The following RBFOX1 variants were observed in gnomAD, a reference collection of about 807,000 sequenced individuals.
RBFOX1 encodes RNA binding fox-1 homolog 1.
In RBFOX1, 8 loss-of-function variants were observed where a neutral mutation model predicts 57.7. The ratio of observed to expected loss-of-function variants is 0.14; its 90% CI spans 0.08 to 0.25. The LOEUF (loss-of-function observed/expected upper bound fraction) is 0.25. Among genes scored for constraint, RBFOX1 ranks in the 10% least tolerant of loss-of-function variants. The pLI, the probability that RBFOX1 is intolerant of heterozygous loss-of-function variation, is 1.00. For synonymous variants in RBFOX1, 326 were observed against 222.4 expected (o/e 1.47, Z -4.15); for missense variants, 611 against 548.5 (o/e 1.11, Z -1.14).
chr16:6,546,867 A>G (rs2096903580), intron 2 of RBFOX1, among the ~76,000 whole-genome samples: 1 of 152,188 alleles, frequency 6.6e-6, no homozygotes, highest in Non-Finnish European at 1.5e-5. Flanking sequence ...AAGTTCAAAC[A>G]CAGATCATGC....
intron 1 of RBFOX1, among the ~76,000 whole-genome samples, chr16:5,443,056 A>G (rs2068132695): frequency 6.6e-6 from 1 of 152,148 alleles, no homozygotes; most frequent in Non-Finnish European, 1.5e-5. Context: ...GAGGCAAGGA[A>G]CAGTCCTCCT....
chr16:5,988,969 G>T (rs1209939651), intron 4 of RBFOX1, among the ~76,000 whole-genome samples: 1 of 151,926 alleles, frequency 6.6e-6, no homozygotes, highest in East Asian at 1.9e-4. Flanking sequence ...TGTGACCTTG[G>T]GTGAGTTGCT....
At chr16:6,348,939 G>A (rs186145621) in intron 2 of RBFOX1, among the ~76,000 whole-genome samples, 1 of 152,302 alleles carries the variant, frequency 6.6e-6, no homozygotes, top group African/African-American at 2.4e-5. Flanking sequence ...GATAGAGATG[G>A]ACAGAGGCAG....
chr16:7,094,922 C>T (rs577840173), intron 4 of RBFOX1, among the ~76,000 whole-genome samples: 1 of 151,998 alleles, frequency 6.6e-6, no homozygotes, highest in Admixed American at 6.6e-5. Context: ...CTCTTAATAC[C>T]TGTAGAACAA....
intron 2 of RBFOX1, among the ~76,000 whole-genome samples, chr16:6,620,581 TAAC>T (rs965675760): frequency 5.4e-5 from 8 of 148,566 alleles, no homozygotes; most frequent in African/African-American, 1.3e-4. Context: ...ACAACAACAA[TAAC>T]AACAACAAAA....
intron 4 of RBFOX1, among the ~76,000 whole-genome samples, chr16:7,405,702 A>C (rs12596961): frequency 0.068 from 10,310 of 152,284 alleles, 412 homozygotes; most frequent in East Asian, 0.18. Context: ...ACCTGTGGTC[A>C]GCCTTCCCTG....
chr16:6,812,105 T>G (rs2088803365), intron 3 of RBFOX1, among the ~76,000 whole-genome samples: 3 of 152,142 alleles, frequency 2.0e-5, no homozygotes, highest in South Asian at 4.1e-4. Flanking sequence ...TGAAGAAGCC[T>G]TCACGAGAAA....
intron 4 of RBFOX1, among the ~76,000 whole-genome samples, chr16:7,509,240 A>T (rs950361559): frequency 6.6e-6 from 1 of 152,214 alleles, no homozygotes; most frequent in Admixed American, 6.5e-5. Flanking sequence ...TATTGCGGTC[A>T]TCTTAGTATT....
chr16:6,352,098 T>C (rs17139906), intron 2 of RBFOX1, among the ~76,000 whole-genome samples: 11,522 of 152,184 alleles, frequency 0.076, 1,375 homozygotes, highest in African/African-American at 0.25. Context: ...AAGGTACAAT[T>C]GAGAGTTTGT....
intron 4 of RBFOX1, among the ~76,000 whole-genome samples, chr16:7,206,864 T>A (rs1223770555): frequency 1.3e-5 from 2 of 151,588 alleles, no homozygotes; most frequent in Admixed American, 6.6e-5. Flanking sequence ...AAAAAAAAAA[T>A]GGAGAGGCTG....
At chr16:6,214,246 C>T (rs1033606884) in intron 1 of RBFOX1, among the ~76,000 whole-genome samples, 19 of 152,050 alleles carry the variant, frequency 1.2e-4, no homozygotes, top group African/African-American at 3.6e-4. Context: ...ATGTCTTGTT[C>T]TTCAGAATCT....
At chr16:6,507,037 C>G (rs1276392750) in intron 2 of RBFOX1, among the ~76,000 whole-genome samples, 2 of 152,090 alleles carry the variant, frequency 1.3e-5, no homozygotes, top group Non-Finnish European at 2.9e-5. Flanking sequence ...TCCTTTTCAA[C>G]CCTACGCTGT....
intron 3 of RBFOX1, among the ~76,000 whole-genome samples, chr16:5,702,785 A>G (rs536483459): frequency 6.6e-6 from 1 of 152,294 alleles, no homozygotes; most frequent in African/African-American, 2.4e-5. Flanking sequence ...GTTGGCAAGT[A>G]GTGATCTTTG....
chr16:7,119,535 C>A (rs1025611507), intron 4 of RBFOX1, among the ~76,000 whole-genome samples: 1 of 152,014 alleles, frequency 6.6e-6, no homozygotes, highest in Non-Finnish European at 1.5e-5. Flanking sequence ...CATCCTGTTT[C>A]ACTTAGATAT....
intron 4 of RBFOX1, among the ~76,000 whole-genome samples, chr16:7,495,351 A>G (rs536431925): frequency 1.3e-5 from 2 of 152,302 alleles, no homozygotes; most frequent in African/African-American, 4.8e-5. Context: ...GGATTGCTGG[A>G]TTGAAGAGTA....
chr16:6,362,678 G>A (rs2088803532), intron 2 of RBFOX1, among the ~76,000 whole-genome samples: 1 of 152,214 alleles, frequency 6.6e-6, no homozygotes, highest in African/African-American at 2.4e-5. Context: ...GAAGGTGACT[G>A]GTTCTGGTCT....
chr16:7,345,074 G>T (rs2096969281), intron 4 of RBFOX1, among the ~76,000 whole-genome samples: 1 of 152,006 alleles, frequency 6.6e-6, no homozygotes, highest in Admixed American at 6.5e-5. Flanking sequence ...TGGGTCTTGT[G>T]GCTCTATTTT....
chr16:6,676,142 GCACA>G (rs59806354), intron 3 of RBFOX1, among the ~76,000 whole-genome samples: 14,574 of 145,758 alleles, frequency 0.1, 827 homozygotes, highest in African/African-American at 0.13. Flanking sequence ...ACACACACGC[GCACA>G]CACACACACA....
chr16:5,925,833 A>C (rs11076989), intron 4 of RBFOX1, among the ~76,000 whole-genome samples: 2 of 152,280 alleles, frequency 1.3e-5, no homozygotes, highest in East Asian at 1.9e-4. Context: ...TAAACCTCCA[A>C]ATAACTACCT....
Sources: allele counts gnomAD v4.1 joint callset (sites outside exome capture counted in the v4.1 genomes callset), GRCh38; gene constraint gnomAD v4.1.1; transcripts MANE v1.5; gene names NCBI Gene and HGNC (gene_info 2026-07-23, HGNC 2026-07-21).